STARD9: variants seen among roughly 807,000 people sequenced by gnomAD.
The protein encoded by STARD9 is StAR related lipid transfer domain containing 9, also known as stAR-related lipid transfer protein 9.
STARD9 carries 346 observed loss-of-function variants against 399.8 expected under a neutral mutation model. The ratio of observed to expected loss-of-function variants is 0.87; its 90% confidence interval spans 0.79 to 0.95. STARD9 has a LOEUF of 0.95. Ranked by LOEUF, STARD9 falls within the 40% of genes least tolerant of loss-of-function variation. STARD9 has a pLI of 0.00. For missense variants in STARD9, 5,832 were observed against 5,667.5 expected, an observed-to-expected ratio of 1.03 and a Z score of -0.93; for synonymous variants, 2,203 against 2,143.5, an observed-to-expected ratio of 1.03 and a Z score of -0.77.
At chr15:42,606,186 C>CT (rs1432175566) in intron 3 of STARD9, among the ~76,000 whole-genome samples, 1 of 152,176 alleles carries the variant, frequency 6.6e-6, no homozygotes, top group African/African-American at 2.4e-5. Flanking sequence ...GGTTAGTACT[C>CT]TGTTTTACAG....
intron 13 of STARD9, among the ~76,000 whole-genome samples, chr15:42,664,982 G>A (rs8039711): frequency 0.25 from 37,364 of 151,894 alleles, 5,381 homozygotes; most frequent in African/African-American, 0.39. Flanking sequence ...GTGTGTATCC[G>A]AATCACCTGG....
rs964414635 is a variant in STARD9 at position 42,685,492 on chromosome 15, A to C, written c.3914A>C (p.Gln1305Pro). 3.3e-6 allele frequency: 5 copies of C among 1,533,674 alleles called. No individual in the cohort carries two copies. In the African/African-American group the frequency reaches 6.9e-5, roughly 21 times the overall value. Reference protein sequence around the residue: ...PHCELQPHCEQAESQVEPSYS... With the variant: ...PHCELQPHCEPAESQVEPSYS... Reference sequence around the variant, plus strand: ...TGTGAGCTCCAGCCCCATTGTGAGCAGGCTGAATCACAGGTAGAGCCAAGC... The same window carrying C: ...TGTGAGCTCCAGCCCCATTGTGAGCCGGCTGAATCACAGGTAGAGCCAAGC... Residue 1305 changes from glutamine (Q) to proline (P), a missense_variant, in exon 23 of 33, where the codon CAG becomes CCG. By Grantham distance (76) the Gln-to-Pro change is moderately conservative. Around this residue, in one of 2 missense-constraint regions of STARD9, gnomAD observed 5,828 missense variants for 5,651.1 expected, o/e 1.03. Coordinates refer to ENST00000290607, the MANE Select transcript of STARD9 (RefSeq NM_020759.3).
At chr15:42,661,714 C>T (rs1462403326) in intron 10 of STARD9, among the ~76,000 whole-genome samples, 2 of 152,008 alleles carry the variant, frequency 1.3e-5, no homozygotes, top group Admixed American at 1.3e-4. Flanking sequence ...GCCTCAGTCT[C>T]CCAAAGTGCT....
chr15:42,622,672 T>C (rs1016804321), intron 3 of STARD9, among the ~76,000 whole-genome samples: 1 of 152,188 alleles, frequency 6.6e-6, no homozygotes, highest in Non-Finnish European at 1.5e-5. Flanking sequence ...AGATCTTTAG[T>C]TGTAACTATG....
intron 3 of STARD9, among the ~76,000 whole-genome samples, chr15:42,586,380 G>A (rs150250448): frequency 3.9e-5 from 6 of 152,192 alleles, no homozygotes; most frequent in South Asian, 2.1e-4. Context: ...TTGGTCACCC[G>A]TCATGTGTCT....
intron 3 of STARD9, among the ~76,000 whole-genome samples, chr15:42,622,411 A>T (rs1250724217): frequency 6.6e-6 from 1 of 151,302 alleles, no homozygotes; most frequent in Non-Finnish European, 1.5e-5. Flanking sequence ...TTTGTTGCTT[A>T]CCCTGGAGCG....
chr15:42,647,479 A>G (rs1595701746), intron 7 of STARD9, among the ~76,000 whole-genome samples: 1 of 152,134 alleles, frequency 6.6e-6, no homozygotes, highest in East Asian at 1.9e-4. Flanking sequence ...CACTTTTTTC[A>G]TTGTGAAGGA....
chr15:42,682,071 C>A (rs375490387), intron 21 of STARD9, 33 bp from the exon 22 acceptor site: 1 of 1,423,786 alleles, frequency 7.0e-7, no homozygotes, highest in African/African-American at 1.4e-5. Flanking sequence ...GAAGGAGATG[C>A]TGAAATTCTC....
Position 42,682,301 on chromosome 15 carries a change from A to G in STARD9, c.2263A>G (p.Thr755Ala), listed in dbSNP as rs760509731. Reference sequence around the variant, plus strand: ...GCACCTGCAGCTCCTGCGGAGACACACTCTTCGGGCAGCAGAGCGGAATGT... The same window carrying G: ...GCACCTGCAGCTCCTGCGGAGACACGCTCTTCGGGCAGCAGAGCGGAATGT... ...VVHLQLLRRH[T>A]LRAAERNVRR... The change falls in exon 22 of 33, where the codon ACT becomes GCT. Residue 755 changes from threonine (T) to alanine (A), a missense_variant. Transcript: ENST00000290607. The G allele has an allele frequency of 7.8e-6, 12 of 1,537,020 alleles. No homozygotes were observed. Among genetic ancestry groups the G allele is most frequent in the Admixed American group, 2.0e-5 (1 of 50,974 alleles).
Position 42,695,865 on chromosome 15 carries a change from G to T in STARD9, c.13269G>T (p.Gln4423His). 6.5e-7 allele frequency: 1 copy of T among 1,537,218 alleles called. No homozygotes were observed. Among genetic ancestry groups the T allele is most frequent in the South Asian group, 1.2e-5 (1 of 84,060 alleles). Residue 4423 changes from glutamine to histidine, a missense_variant, in exon 26 of 33, where the codon CAG becomes CAT. Gln to His is a conservative substitution (Grantham distance 24). Coordinates refer to ENST00000290607, the MANE Select transcript of STARD9 (RefSeq NM_020759.3). ...GCCCAGCCTTGTCAGGCCAGCTCCAGTTCCCAGAGAATATGGTGAGTAGGC... is the reference window on the plus strand; with the variant it reads ...GCCCAGCCTTGTCAGGCCAGCTCCATTTCCCAGAGAATATGGTGAGTAGGC... ...NSSPALSGQL[Q>H]FPENMGHTNL...
chr15:42,668,774 T>C (rs976522228), intron 15 of STARD9, among the ~76,000 whole-genome samples: 2 of 152,166 alleles, frequency 1.3e-5, no homozygotes, highest in South Asian at 4.1e-4. Context: ...TTCCCAAGTA[T>C]GGATCATGTA....
intron 3 of STARD9, among the ~76,000 whole-genome samples, chr15:42,591,371 C>T (rs999548615): frequency 6.6e-6 from 1 of 152,076 alleles, no homozygotes; most frequent in Non-Finnish European, 1.5e-5. Context: ...GCCTGTAATC[C>T]GAGCTACTCG....
intron 7 of STARD9, among the ~76,000 whole-genome samples, chr15:42,650,346 G>T (rs2059735185): frequency 6.6e-6 from 1 of 152,144 alleles, no homozygotes; most frequent in Non-Finnish European, 1.5e-5. Flanking sequence ...AGATTCTCTG[G>T]AACAGTTGGG....
At chr15:42,608,949 G>A (rs1171428316) in intron 3 of STARD9, among the ~76,000 whole-genome samples, 1 of 152,202 alleles carries the variant, frequency 6.6e-6, no homozygotes, top group East Asian at 1.9e-4. Flanking sequence ...AACCGAGCAT[G>A]CACTGTGCGT....
At chr15:42,653,482 ATAGT>A (rs1369260696) in intron 9 of STARD9, among the ~76,000 whole-genome samples, 1 of 152,360 alleles carries the variant, frequency 6.6e-6, no homozygotes, top group East Asian at 1.9e-4. Context: ...TAGACACATC[ATAGT>A]TAAACTGTTG....
At chr15:42,626,948 T>G (rs573614333) in intron 3 of STARD9, among the ~76,000 whole-genome samples, 1 of 152,084 alleles carries the variant, frequency 6.6e-6, no homozygotes, top group South Asian at 2.1e-4. Context: ...CCTCCGCGGC[T>G]AAAGCGATCC....
At chr15:42,702,509 A>G (rs539917003) in intron 26 of STARD9, among the ~76,000 whole-genome samples, 4 of 152,058 alleles carry the variant, frequency 2.6e-5, no homozygotes, top group Admixed American at 1.3e-4. Context: ...GCCTGTTGTT[A>G]TTATTTTTAA....
intron 30 of STARD9, 125 bp from the exon 31 acceptor site, chr15:42,718,310 G>A: frequency 8.2e-7 from 1 of 1,218,110 alleles, no homozygotes. Flanking sequence ...TACCTTGATT[G>A]CTCAGCCTAG....
chr15:42,652,335 G>T lies in STARD9; in HGVS notation c.630-185G>T, dbSNP rs1454968027. On this transcript the variant is annotated intron_variant, in intron 8 of 32. Coordinates refer to ENST00000290607, the MANE Select transcript of STARD9 (RefSeq NM_020759.3). ...CACTCCGTTTTATGCTCAGATATCAGCACCTAGAGTGCTGCTTCTGCCCTC... is the reference window on the plus strand; with the variant it reads ...CACTCCGTTTTATGCTCAGATATCATCACCTAGAGTGCTGCTTCTGCCCTC... Among the ~76,000 whole-genome samples the T allele has an allele frequency of 2.0e-5, 3 of 151,834 alleles. No homozygotes were observed. The East Asian group carries it at 5.8e-4, about 29-fold the overall frequency.
Sources: gnomAD v4.1 joint callset for allele counts (sites outside exome capture counted in the v4.1 genomes callset) on GRCh38, gnomAD v4.1.1 for gene constraint, gnomAD v4.1.1 regional missense constraint, MANE v1.5 for transcripts, NCBI Gene and HGNC (gene_info 2026-07-23, HGNC 2026-07-21) for gene names.